Variants in EMX1 observed in about 807,000 individuals in gnomAD.
EMX1 encodes empty spiracles homeobox 1, also known as homeobox protein EMX1.
In EMX1, 10 loss-of-function variants were observed where a neutral mutation model predicts 20.1. The observed-to-expected ratio is 0.50, with a 90% CI of 0.31 to 0.84. EMX1 has a LOEUF of 0.84. Ranked by LOEUF, EMX1 falls within the 40% of genes least tolerant of loss-of-function variation. The pLI is 0.05. For synonymous variants in EMX1, 250 were observed against 200.4 expected (o/e 1.25, Z -2.09); for missense variants, 424 against 431.9 (o/e 0.98, Z 0.16).
chr2:72,922,873 A>G (rs1671127268), intron 1 of EMX1, among the ~76,000 whole-genome samples: 1 of 152,268 alleles, frequency 6.6e-6, no homozygotes, highest in South Asian at 2.1e-4. Context: ...AGGTCAAATC[A>G]AGTCCAACCA....
chr2:72,923,953 T>G, intron 1 of EMX1: 1 of 382,822 alleles, frequency 2.6e-6, no homozygotes. Context: ...GCCATGGACT[T>G]TTCTTCCCCA....
At chr2:72,916,456 G>A (rs1670963548), upstream of EMX1, 1 of 577,056 alleles carries the variant, frequency 1.7e-6, no homozygotes, top group African/African-American at 1.9e-5. Flanking sequence ...CGCCCTCCTA[G>A]GCCTCGGAGC....
chr2:72,919,469 A>G (rs1473500408), intron 1 of EMX1, among the ~76,000 whole-genome samples: 1 of 152,216 alleles, frequency 6.6e-6, no homozygotes, highest in Non-Finnish European at 1.5e-5. Context: ...GAAACAAATG[A>G]AAGGGACATG....
In EMX1 at chr2:72,917,546, C is replaced by A. The variant is rs1018165112; in HGVS notation, c.-307C>A. 3.1e-5 allele frequency: 6 copies of A among 193,486 alleles called. No individual in the cohort carries two copies. Among genetic ancestry groups the A allele is most frequent in the Non-Finnish European group, 6.2e-5 (6 of 96,244 alleles). The allele number at this position is 193,486 out of a possible 1,614,324, so 12.0% of individuals were successfully genotyped here. A position where few individuals can be genotyped will look rare whatever the true frequency, so the allele number is the denominator to read the frequency against. ...CTCGCGCCTCGCAGCGCTGGGCGGCCGGGGCTGGGCAGGGCAGTGCGGGGA... is the reference window on the plus strand; with the variant it reads ...CTCGCGCCTCGCAGCGCTGGGCGGCAGGGGCTGGGCAGGGCAGTGCGGGGA... On this transcript the variant is annotated 5_prime_UTR_variant, in exon 1 of 3. Coordinates refer to ENST00000258106, the MANE Select transcript of EMX1 (RefSeq NM_004097.3).
chr2:72,927,410 G>T (rs1297140713), intron 2 of EMX1, among the ~76,000 whole-genome samples: 1 of 152,178 alleles, frequency 6.6e-6, no homozygotes, highest in African/African-American at 2.4e-5. Flanking sequence ...CTAGTGCTGA[G>T]TTTCTGTGAC....
At chr2:72,917,286 G>A (rs894930702), upstream of EMX1, among the ~76,000 whole-genome samples, 4 of 39,320 alleles carry the variant, frequency 1.0e-4, no homozygotes, top group Admixed American at 1.3e-3. Flanking sequence ...GCTCCCGCGT[G>A]GGTTGAGACG....
chr2:72,920,769 C>T (rs1671087042), intron 1 of EMX1, among the ~76,000 whole-genome samples: 1 of 152,246 alleles, frequency 6.6e-6, no homozygotes, highest in Non-Finnish European at 1.5e-5. Context: ...GTCCAGGACT[C>T]CGAAGGTCGG....
Position 72,918,050 on chromosome 2 carries a change from C to T in EMX1, c.198C>T (p.Ser66=), listed in dbSNP as rs998044385. ...GCACTGGCGGCGGGGGCGCGGGCTC[C>T]CATCTCCTGGCGGCGGCCGCCTCCG... ...GGGTGGGGAG[S]HLLAAAASEE... is the part of the protein sequence containing the mutation. Residue 66 remains serine (S), a synonymous_variant, in exon 1 of 3, where the codon TCC becomes TCT. Coordinates refer to ENST00000258106, the MANE Select transcript of EMX1 (RefSeq NM_004097.3). 1.4e-6 allele frequency: 2 copies of T among 1,419,418 alleles called. No individual in the cohort carries two copies. Among genetic ancestry groups the T allele is most frequent in the African/African-American group, 3.0e-5 (2 of 66,612 alleles). 87.9% of individuals were successfully genotyped at this position (1,419,418 alleles called of 1,614,324 possible). A position where few individuals can be genotyped will look rare whatever the true frequency, so the allele number is the denominator to read the frequency against.
upstream of EMX1, chr2:72,916,644 C>T (rs759806442): frequency 8.8e-5 from 62 of 705,978 alleles, 3 homozygotes; most frequent in South Asian, 9.3e-4. Context: ...GGAGGTCAGG[C>T]TGCTTCTGCG....
chr2:72,918,994 A>G (rs1029309778), intron 1 of EMX1, among the ~76,000 whole-genome samples: 15 of 152,250 alleles, frequency 9.9e-5, no homozygotes, highest in East Asian at 5.8e-4. Flanking sequence ...GAAGGTTTGC[A>G]GTAAGCAAAC....
chr2:72,919,180 TACACACACACACACACACACAC>T (rs70963149), intron 1 of EMX1, among the ~76,000 whole-genome samples: 4 of 142,542 alleles, frequency 2.8e-5, no homozygotes, highest in East Asian at 4.2e-4. Flanking sequence ...CCACTGGCCC[TACACACACACACACACACACAC>T]ACACACACAC....
rs749264274 is a variant in EMX1, at chr2:72,924,305, G to A, written c.521-4G>A. On this transcript the variant is annotated splice_polypyrimidine_tract_variant and splice_region_variant and intron_variant, in intron 1 of 2. Transcript: ENST00000258106. ...GTGTGTTGCCGTCGGCGGCGGGGCCGCAGCCAGCGACGTGCCCCAGGACGG... is the reference window on the plus strand; with the variant it reads ...GTGTGTTGCCGTCGGCGGCGGGGCCACAGCCAGCGACGTGCCCCAGGACGG... The A allele has an allele frequency of 5.7e-5, 89 of 1,558,676 alleles. No homozygotes were observed. In the South Asian group the frequency reaches 9.0e-4, roughly 16 times the overall value.
At chr2:72,923,068 G>C (rs566573664) in intron 1 of EMX1, among the ~76,000 whole-genome samples, 1 of 152,310 alleles carries the variant, frequency 6.6e-6, no homozygotes, top group East Asian at 1.9e-4. Flanking sequence ...CCAAGCCAGA[G>C]ATTGTGTGAG....
rs780526139 is a variant in EMX1, at chr2:72,918,182, G to T, written c.330G>T (p.Ser110=). The T allele has an allele frequency of 5.9e-6, 9 of 1,527,398 alleles. No individual in the cohort carries two copies. The highest frequency in any genetic ancestry group is 2.2e-5 in the Admixed American group (1 of 46,370). The allele number at this position is 1,527,398 out of a possible 1,614,324, so 94.6% of individuals were successfully genotyped here. A position where few individuals can be genotyped will look rare whatever the true frequency, so the allele number is the denominator to read the frequency against. Residue 110 remains serine (S), a synonymous_variant, in exon 1 of 3, where the codon TCG becomes TCT. Transcript: ENST00000258106. ...CGGCCGCCGCGGGCGCGGGCCGCTCGCTCTACGGTGGGCCCGAGCTCGTGT... is the reference window on the plus strand; with the variant it reads ...CGGCCGCCGCGGGCGCGGGCCGCTCTCTCTACGGTGGGCCCGAGCTCGTGT... ...PAAAAAGAGR[S]LYGGPELVFP... is the part of the protein sequence containing the mutation.
chr2:72,925,308 C>T, intron 2 of EMX1: 2 of 1,054,190 alleles, frequency 1.9e-6, no homozygotes, highest in Non-Finnish European at 2.4e-6. Context: ...TGTAACTGAT[C>T]GTTAATTTAA....
chr2:72,926,306 GTTTC>G (rs1671199199), intron 2 of EMX1: 1 of 984,304 alleles, frequency 1.0e-6, no homozygotes, highest in African/African-American at 1.7e-5. Context: ...CGGACTGATT[GTTTC>G]TTTCATTTTT....
chr2:72,916,893 A>G (rs764235142), upstream of EMX1: 1 of 717,330 alleles, frequency 1.4e-6, no homozygotes, highest in South Asian at 1.5e-5. Context: ...GAACAGCTGG[A>G]GGGTGGCAGT....
chr2:72,923,005 G>T (rs555557492), intron 1 of EMX1, among the ~76,000 whole-genome samples: 26 of 152,216 alleles, frequency 1.7e-4, no homozygotes, highest in Non-Finnish European at 3.4e-4. Context: ...CCTTACATGA[G>T]AATCCATGGG....
At chr2:72,923,345 A>G (rs1378883197) in intron 1 of EMX1, 1 of 152,222 alleles carries the variant, frequency 6.6e-6, no homozygotes, top group Non-Finnish European at 1.5e-5. Context: ...CAATATATCT[A>G]TATCTATATA....
Sources: gnomAD v4.1 joint callset for allele counts (sites outside exome capture counted in the v4.1 genomes callset) on GRCh38, gnomAD v4.1.1 for gene constraint, MANE v1.5 for transcripts, NCBI Gene and HGNC (gene_info 2026-07-23, HGNC 2026-07-21) for gene names.